Variants in DPY19L4 observed in about 807,000 individuals in gnomAD.
DPY19L4 encodes the protein dpy-19 like 4, also known as probable C-mannosyltransferase DPY19L4.
Under a neutral mutation model 102.8 loss-of-function variants are expected in DPY19L4, and 97 were observed. The observed-to-expected ratio is 0.94, with a 90% confidence interval of 0.80 to 1.12. The LOEUF is 1.12. Among genes scored for constraint, DPY19L4 ranks in the 50% most tolerant of loss-of-function variants. The probability of loss-of-function intolerance (pLI) is 0.00; values close to 1 mark genes in which losing one functional copy is unlikely to be tolerated. For synonymous variants in DPY19L4, 252 were observed against 283.1 expected (o/e 0.89, Z 1.10); for missense variants, 815 against 850.4 (o/e 0.96, Z 0.52).
intron 7 of DPY19L4, among the ~76,000 whole-genome samples, chr8:94,761,379 T>C (rs1812387603): frequency 1.3e-5 from 2 of 152,180 alleles, no homozygotes; most frequent in Non-Finnish European, 1.5e-5. Flanking sequence ...CACCCTTTCT[T>C]GTATTTATTG....
chr8:94,720,115 T>G, intron 1 of DPY19L4, 101 bp downstream of exon 1: 1 of 1,390,274 alleles, frequency 7.2e-7, no homozygotes. Context: ...GTGGCCGCGG[T>G]CGCGGTGGCG....
intron 6 of DPY19L4, among the ~76,000 whole-genome samples, chr8:94,750,165 A>G (rs938784637): frequency 2.6e-5 from 4 of 152,306 alleles, no homozygotes; most frequent in Non-Finnish European, 5.9e-5. Flanking sequence ...CATGTTGGCC[A>G]GGCTGGTCTT....
rs1206065472 is a variant in DPY19L4, at chr8:94,743,445, C to T, written c.611+3655C>T. ...TTGAGACCTGGAGTTTGAGACCGGT[C>T]TGGGCAACATAGTGAGACCTCATCA... On this transcript the variant is annotated intron_variant, in intron 6 of 18. Transcript: ENST00000414645. 2.0e-5 allele frequency among the ~76,000 whole-genome samples: 3 copies of T among 150,444 alleles called. No homozygotes were observed. The Admixed American group carries it at 2.0e-4, about 10-fold the overall frequency.
At chr8:94,730,729 G>C (rs1810910738) in intron 2 of DPY19L4, among the ~76,000 whole-genome samples, 2 of 143,732 alleles carry the variant, frequency 1.4e-5, no homozygotes, top group East Asian at 4.5e-4. Context: ...TGGGCAACAA[G>C]AGCGAAACTC....
intron 8 of DPY19L4, among the ~76,000 whole-genome samples, chr8:94,764,369 G>A (rs1425046800): frequency 2.0e-5 from 3 of 151,926 alleles, no homozygotes; most frequent in Non-Finnish European, 2.9e-5. Flanking sequence ...AAGGTGAGGA[G>A]ATCGAGACCA....
At chr8:94,736,771 C>T (rs1563577131) in intron 3 of DPY19L4, among the ~76,000 whole-genome samples, 1 of 152,166 alleles carries the variant, frequency 6.6e-6, no homozygotes, top group African/African-American at 2.4e-5. Flanking sequence ...TTGCAAAGTA[C>T]TAATTAAAGA....
At chr8:94,776,547 G>A (rs1813190886) in intron 13 of DPY19L4, among the ~76,000 whole-genome samples, 1 of 150,778 alleles carries the variant, frequency 6.6e-6, no homozygotes, top group South Asian at 2.1e-4. Flanking sequence ...TGCACATGAA[G>A]TTTTGCATTT....
chr8:94,763,287 G>A (rs1483171450), intron 8 of DPY19L4, among the ~76,000 whole-genome samples: 3 of 142,950 alleles, frequency 2.1e-5, no homozygotes, highest in Non-Finnish European at 3.1e-5. Context: ...AAATGGCTCT[G>A]GCTATTGACT....
chr8:94,764,948 C>G (rs1376977649), intron 8 of DPY19L4, among the ~76,000 whole-genome samples: 1 of 150,818 alleles, frequency 6.6e-6, no homozygotes, highest in Non-Finnish European at 1.5e-5. Context: ...AGGCTTGTCT[C>G]GAACCCCTGA....
intron 2 of DPY19L4, 31 bp from the exon 3 acceptor site, chr8:94,734,599 C>T (rs1469763169): frequency 1.9e-6 from 3 of 1,586,024 alleles, no homozygotes; most frequent in Non-Finnish European, 2.6e-6. Flanking sequence ...GTACATATTA[C>T]CTTTTCATTA....
intron 7 of DPY19L4, among the ~76,000 whole-genome samples, chr8:94,759,385 C>A (rs1812304419): frequency 6.6e-6 from 1 of 151,756 alleles, no homozygotes; most frequent in Non-Finnish European, 1.5e-5. Context: ...TTACAATCCT[C>A]TTGTAAGACA....
intron 3 of DPY19L4, among the ~76,000 whole-genome samples, chr8:94,737,391 G>A (rs1054845527): frequency 2.6e-4 from 40 of 151,922 alleles, no homozygotes; most frequent in African/African-American, 9.4e-4. Context: ...GGCCAGGCTG[G>A]TCTCAAACTC....
intron 12 of DPY19L4, among the ~76,000 whole-genome samples, chr8:94,770,163 A>G (rs1301212409): frequency 6.6e-6 from 1 of 152,204 alleles, no homozygotes; most frequent in East Asian, 1.9e-4. Context: ...CTGGGATTAC[A>G]GGCGTAAGTC....
At chr8:94,787,080 CT>C (rs1813687515) in intron 17 of DPY19L4, among the ~76,000 whole-genome samples, 1 of 152,216 alleles carries the variant, frequency 6.6e-6, no homozygotes, top group South Asian at 2.1e-4. Flanking sequence ...AACATCCTCC[CT>C]TGTGTCCCAA....
At chr8:94,756,321 ACTGTTACT>A (rs1209879037) in intron 7 of DPY19L4, among the ~76,000 whole-genome samples, 162 bp downstream of exon 7, 1 of 152,194 alleles carries the variant, frequency 6.6e-6, no homozygotes, top group African/African-American at 2.4e-5. Context: ...TTCTTACAAC[ACTGTTACT>A]CTGTAATCTG....
chr8:94,788,260 T>C (rs1586434423), intron 18 of DPY19L4, among the ~76,000 whole-genome samples: 1 of 151,996 alleles, frequency 6.6e-6, no homozygotes, highest in East Asian at 1.9e-4. Flanking sequence ...TTTGCAAAAA[T>C]AATAAAAAAT....
intron 6 of DPY19L4, among the ~76,000 whole-genome samples, chr8:94,746,054 A>ATTTTTT (rs35095979): frequency 1.5e-5 from 1 of 67,120 alleles, no homozygotes; most frequent in African/African-American, 6.5e-5. Context: ...ATGCCTGGCC[A>ATTTTTT]TTTTTTTTTT....
chr8:94,744,652 C>T, intron 6 of DPY19L4: 1 of 444,012 alleles, frequency 2.3e-6, no homozygotes, highest in South Asian at 1.6e-5. Flanking sequence ...GGAAAAGATA[C>T]TTTCTCATGT....
At chr8:94,724,813 C>T (rs1280488471) in intron 1 of DPY19L4, among the ~76,000 whole-genome samples, 5 of 152,160 alleles carry the variant, frequency 3.3e-5, no homozygotes, top group Non-Finnish European at 7.3e-5. Flanking sequence ...TTCTCGATCT[C>T]CTGACTTCAG....
Sources: gnomAD v4.1 joint callset for allele counts (sites outside exome capture counted in the v4.1 genomes callset) on GRCh38, gnomAD v4.1.1 for gene constraint, MANE v1.5 for transcripts, NCBI Gene and HGNC (gene_info 2026-07-23, HGNC 2026-07-21) for gene names.